SLC6A11: variants seen among roughly 807,000 people sequenced by gnomAD.
SLC6A11 encodes solute carrier family 6 member 11.
SLC6A11 carries 25 observed loss-of-function variants against 74.8 expected under a neutral mutation model. The ratio of observed to expected loss-of-function variants is 0.33; its 90% confidence interval spans 0.24 to 0.47. The LOEUF (loss-of-function observed/expected upper bound fraction) is 0.47. SLC6A11 is among the 20% of genes least tolerant of loss of function. The pLI, the probability that SLC6A11 is intolerant of heterozygous loss-of-function variation, is 1.00. For synonymous variants in SLC6A11, 330 were observed against 330.2 expected (o/e 1.00, Z 0.01); for missense variants, 574 against 837.0 (o/e 0.69, Z 3.88).
chr3:10,861,483 C>T (rs536264596), intron 5 of SLC6A11, among the ~76,000 whole-genome samples: 3 of 152,176 alleles, frequency 2.0e-5, no homozygotes, highest in African/African-American at 4.8e-5. Flanking sequence ...CACCACTGCA[C>T]TCTAGCCTGG....
chr3:10,868,465 A>G (rs946016765), intron 5 of SLC6A11, among the ~76,000 whole-genome samples: 6 of 152,258 alleles, frequency 3.9e-5, no homozygotes, highest in Non-Finnish European at 7.3e-5. Context: ...TTAAAACAGG[A>G]TACAGTATAA....
intron 7 of SLC6A11, among the ~76,000 whole-genome samples, chr3:10,916,014 C>A (rs1366347785): frequency 6.6e-6 from 1 of 152,200 alleles, no homozygotes; most frequent in African/African-American, 2.4e-5. Flanking sequence ...CCACGGCTGG[C>A]ATACTGCAGG....
At chr3:10,842,715 T>C (rs1176805858) in intron 4 of SLC6A11, among the ~76,000 whole-genome samples, 1 of 152,144 alleles carries the variant, frequency 6.6e-6, no homozygotes, top group African/African-American at 2.4e-5. Flanking sequence ...TGGTGCCTAG[T>C]AGGTGCTCAG....
Position 10,938,236 on chromosome 3 carries a change from C to T in SLC6A11, c.1747-14C>T, listed in dbSNP as rs1046781142. On this transcript the variant is annotated splice_polypyrimidine_tract_variant and intron_variant, in intron 13 of 13. Coordinates refer to ENST00000254488, the MANE Select transcript of SLC6A11 (RefSeq NM_014229.3). ...CTAATCACTCAGATCTTCCCCTCCTCTCCAACCATCCAGAAACTCCAGAAG... is the reference window on the plus strand; with the variant it reads ...CTAATCACTCAGATCTTCCCCTCCTTTCCAACCATCCAGAAACTCCAGAAG... 6.3e-7 allele frequency: 1 copy of T among 1,582,508 alleles called. No individual in the cohort carries two copies. The highest frequency in any genetic ancestry group is 8.6e-7 in the Non-Finnish European group (1 of 1,158,796).
chr3:10,880,435 A>G (rs1694961606), intron 6 of SLC6A11, among the ~76,000 whole-genome samples: 1 of 152,212 alleles, frequency 6.6e-6, no homozygotes. Context: ...GGGATAATCC[A>G]GCAGTTGCAG....
At chr3:10,856,774 A>G (rs1195451892) in intron 5 of SLC6A11, among the ~76,000 whole-genome samples, 2 of 152,160 alleles carry the variant, frequency 1.3e-5, no homozygotes, top group South Asian at 2.1e-4. Flanking sequence ...AGCAGAGTCC[A>G]TGGGCTCCAC....
Position 10,938,653 on chromosome 3 carries a change from G to A in SLC6A11, c.*251G>A. 1 of 348,552 alleles carries A rather than the reference G, an allele frequency of 2.9e-6. No homozygotes were observed. 21.6% of individuals were successfully genotyped at this position (348,552 alleles called of 1,614,324 possible). The stretch of plus-strand genomic sequence containing the variant: ...GGACTGCCAGATCTTCTGTCCTAGG[G>A]CAGTTTTAATCAATGTTTTCTAGGG... On this transcript the variant is annotated 3_prime_UTR_variant, in exon 14 of 14. Coordinates refer to ENST00000254488, the MANE Select transcript of SLC6A11 (RefSeq NM_014229.3).
intron 5 of SLC6A11, among the ~76,000 whole-genome samples, chr3:10,873,533 TCC>T (rs1694860991): frequency 7.8e-6 from 1 of 128,040 alleles, no homozygotes; most frequent in Non-Finnish European, 1.7e-5. Flanking sequence ...TCCTATCCTG[TCC>T]TATCCTATCC....
chr3:10,925,180 A>G (rs910660992), intron 8 of SLC6A11, among the ~76,000 whole-genome samples: 2 of 152,230 alleles, frequency 1.3e-5, no homozygotes, highest in Admixed American at 1.3e-4. Flanking sequence ...TCATCAAACT[A>G]TGTATGTAAA....
At chr3:10,934,891 C>T in intron 12 of SLC6A11, 138 bp from the exon 13 acceptor site, 1 of 738,492 alleles carries the variant, frequency 1.4e-6, no homozygotes, top group Non-Finnish European at 2.3e-6. Flanking sequence ...GGCAGGGCCT[C>T]ACTTTTCATG....
At chr3:10,928,274 A>G (rs925512609) in intron 9 of SLC6A11, among the ~76,000 whole-genome samples, 1 of 152,118 alleles carries the variant, frequency 6.6e-6, no homozygotes, top group African/African-American at 2.4e-5. Context: ...ACAGATGACA[A>G]TGATGTGGCC....
intron 6 of SLC6A11, among the ~76,000 whole-genome samples, chr3:10,876,191 G>A (rs1173255410): frequency 1.3e-5 from 2 of 152,224 alleles, no homozygotes; most frequent in Non-Finnish European, 2.9e-5. Context: ...CATCACGGTG[G>A]GCAGAGTGGG....
intron 6 of SLC6A11, among the ~76,000 whole-genome samples, chr3:10,911,812 C>A (rs1344335474): frequency 1.3e-5 from 2 of 152,132 alleles, no homozygotes; most frequent in African/African-American, 4.8e-5. Context: ...ACAGCTGAGG[C>A]CGGGGTCCTA....
At position 10,938,491 on chromosome 3, in the gene SLC6A11, G is replaced by A; in HGVS notation, c.*89G>A. 7.2e-7 allele frequency: 1 copy of A among 1,379,832 alleles called. No homozygotes were observed. The highest frequency in any genetic ancestry group is 1.4e-5 in the South Asian group (1 of 69,738). 85.5% of individuals were successfully genotyped at this position (1,379,832 alleles called of 1,614,324 possible). On this transcript the variant is annotated 3_prime_UTR_variant, in exon 14 of 14. Coordinates refer to ENST00000254488, the MANE Select transcript of SLC6A11 (RefSeq NM_014229.3). ...GAACCCCATACTTCACCTAATGGTA[G>A]GGGCTTGCTTGTTTTGCACAGGATT...
chr3:10,884,956 G>A (rs1695025503), intron 6 of SLC6A11, among the ~76,000 whole-genome samples: 1 of 152,128 alleles, frequency 6.6e-6, no homozygotes, highest in African/African-American at 2.4e-5. Flanking sequence ...TACCAAGGTT[G>A]AGCATACTAA....
chr3:10,829,318 G>A (rs1464176641), intron 4 of SLC6A11, among the ~76,000 whole-genome samples: 1 of 152,186 alleles, frequency 6.6e-6, no homozygotes, highest in Non-Finnish European at 1.5e-5. Context: ...GCTACTGGAG[G>A]CACAGGGTCC....
chr3:10,917,523 C>A (rs1695474165), intron 7 of SLC6A11, among the ~76,000 whole-genome samples: 1 of 152,204 alleles, frequency 6.6e-6, no homozygotes. Flanking sequence ...GGTTGAAATT[C>A]TAACAGGCTA....
At chr3:10,872,961 T>C (rs761820512) in intron 5 of SLC6A11, among the ~76,000 whole-genome samples, 2 of 152,190 alleles carry the variant, frequency 1.3e-5, no homozygotes, top group Non-Finnish European at 2.9e-5. Flanking sequence ...GTTGCTGATC[T>C]GAACAGACGG....
intron 5 of SLC6A11, among the ~76,000 whole-genome samples, chr3:10,865,194 TA>T (rs1490129188): frequency 6.6e-6 from 1 of 152,258 alleles, no homozygotes; most frequent in Non-Finnish European, 1.5e-5. Context: ...GAGTGATCTC[TA>T]ACCAATCCTC....
Sources: allele counts gnomAD v4.1 joint callset (sites outside exome capture counted in the v4.1 genomes callset), GRCh38; gene constraint gnomAD v4.1.1; transcripts MANE v1.5; gene names NCBI Gene and HGNC (gene_info 2026-07-23, HGNC 2026-07-21).